Variants in KIF7 observed in about 807,000 individuals in gnomAD.
KIF7 encodes kinesin family member 7, also known as kinesin-like protein KIF7.
In KIF7, 104 loss-of-function variants were observed where a neutral mutation model predicts 135.7. The ratio of observed to expected loss-of-function variants is 0.77; its 90% CI spans 0.65 to 0.90. KIF7 has a LOEUF of 0.90. Ranked by LOEUF, KIF7 falls within the 40% of genes least tolerant of loss-of-function variation. The probability of loss-of-function intolerance (pLI) is 0.00; values close to 1 mark genes in which losing one functional copy is unlikely to be tolerated. For missense variants in KIF7, 2,005 were observed against 1,839.1 expected, an observed-to-expected ratio of 1.09 and a Z score of -1.65; for synonymous variants, 883 against 809.4, an observed-to-expected ratio of 1.09 and a Z score of -1.54.
chr15:89,619,604 T>C, intron 1 of KIF7: 1 of 1,235,776 alleles, frequency 8.1e-7, no homozygotes, highest in Non-Finnish European at 1.1e-6. Context: ...TGAATTTCCA[T>C]CTTATATGTG....
At chr15:89,621,899 T>C (rs1046664736) in intron 1 of KIF7, among the ~76,000 whole-genome samples, 1 of 151,640 alleles carries the variant, frequency 6.6e-6, no homozygotes, top group Admixed American at 6.6e-5. Context: ...TCACCAACAT[T>C]AGAAACCTGG....
chr15:89,643,025 AG>A (rs1474002326), intron 10 of KIF7, among the ~76,000 whole-genome samples: 1 of 152,220 alleles, frequency 6.6e-6, no homozygotes, highest in African/African-American at 2.4e-5. Flanking sequence ...GGAAATCTGG[AG>A]GACAAAAGAA....
chr15:89,643,499 T>C (rs1278614848), intron 10 of KIF7, among the ~76,000 whole-genome samples: 4 of 152,196 alleles, frequency 2.6e-5, no homozygotes, highest in African/African-American at 7.2e-5. Context: ...GACTGTATGA[T>C]GTGTGTGTGG....
Position 89,649,009 on chromosome 15 carries a change from GC to G in KIF7, c.887del (p.Gly296AlafsTer26). ...ISALGDPQRR[G>X]SHIPYRDSKI... ...TGGAGTCGCGGTAGGGTATGTGGCT[GC>G]CCCGGCGCTGAGGGTCCCCCAGGGC... On this transcript the variant is annotated frameshift_variant, in exon 4 of 19. Transcript: ENST00000394412. LOFTEE classifies it high-confidence loss of function. The G allele has an allele frequency of 1.3e-6, 2 of 1,547,152 alleles. No individual in the cohort carries two copies.
chr15:89,642,641 C>G (rs950681604), intron 10 of KIF7, among the ~76,000 whole-genome samples: 2 of 152,240 alleles, frequency 1.3e-5, no homozygotes, highest in Non-Finnish European at 2.9e-5. Flanking sequence ...GCAATCTTGG[C>G]TCAGTGCAAC....
At chr15:89,636,576 CAAAG>C (rs1240282827) in intron 11 of KIF7, among the ~76,000 whole-genome samples, 1 of 88,826 alleles carries the variant, frequency 1.1e-5, no homozygotes, top group East Asian at 2.4e-4. Context: ...TCAAAAGAGA[CAAAG>C]AAGGCCATTA....
At chr15:89,632,442 G>A (rs534694965) in intron 14 of KIF7, among the ~76,000 whole-genome samples, 1 of 152,324 alleles carries the variant, frequency 6.6e-6, no homozygotes, top group East Asian at 1.9e-4. Context: ...CACAGGCCCT[G>A]AGGAGGGGGT....
At position 89,630,125 on chromosome 15, in the gene KIF7, G is replaced by A. The variant is rs558534554; in HGVS notation, c.3318+162C>T. On this transcript the variant is annotated intron_variant, in intron 16 of 18. Transcript: ENST00000394412. Reference sequence around the variant, plus strand: ...AGGAAACTGGGTCTTAGTTTCACAAGTAAAATAGGCTTTAAGGTCAGGCGG... The same window carrying A: ...AGGAAACTGGGTCTTAGTTTCACAAATAAAATAGGCTTTAAGGTCAGGCGG... The A allele has an allele frequency of 1.0e-5, 7 of 684,458 alleles. No homozygotes were observed. The East Asian group carries it at 1.1e-4, about 11-fold the overall frequency. 42.4% of individuals were successfully genotyped at this position (684,458 alleles called of 1,614,324 possible). A position where few individuals can be genotyped will look rare whatever the true frequency, so the allele number is the denominator to read the frequency against.
At position 89,652,709 on chromosome 15, in the gene KIF7, G is replaced by A. The variant is rs527453026; in HGVS notation, c.222C>T (p.Cys74=). 7.1e-5 allele frequency: 110 copies of A among 1,551,790 alleles called. No homozygotes were observed. Among genetic ancestry groups the A allele is most frequent in the East Asian group, 1.5e-4 (6 of 40,926 alleles). ...AGAAGGCCTCAAGGAGGGGCTGAAC[G>A]CAGGCCTGGTACACGGCCTCCTGCC... ...DAGQEAVYQA[C]VQPLLEAFFE... The change falls in exon 2 of 19, where the codon TGC becomes TGT. Residue 74 remains cysteine (C), a synonymous_variant. Transcript: ENST00000394412.
chr15:89,633,696 T>C lies in KIF7; in HGVS notation c.2582A>G (p.His861Arg), dbSNP rs1043221006. ...RLEAEMSKRQ[H>R]RVKELELKHE... ...TGCCGTGAGCCTGACCTTGACGCGG[T>C]GCTGCCGCTTGCTCATTTCTGCCTC... The change falls in exon 12 of 19, where the codon CAC (histidine) becomes CGC (arginine). Residue 861 changes from histidine (H) to arginine (R), a missense_variant. Physicochemically the swap from His to Arg is conservative, Grantham distance 29. Transcript: ENST00000394412. 23 of 1,607,098 alleles carry C rather than the reference T, an allele frequency of 1.4e-5. No individual in the cohort carries two copies. Among genetic ancestry groups the C allele is most frequent in the Non-Finnish European group, 1.9e-5 (22 of 1,179,820 alleles).
chr15:89,631,965 G>C (rs889176353), intron 14 of KIF7, among the ~76,000 whole-genome samples: 16 of 152,308 alleles, frequency 1.1e-4, no homozygotes, highest in Non-Finnish European at 1.8e-4. Context: ...TGGCCCTCCT[G>C]GCAAGAACAG....
chr15:89,652,708 C>T lies in KIF7; in HGVS notation c.223G>A (p.Val75Ile), dbSNP rs1227247256. The change falls in exon 2 of 19, where the codon GTT becomes ATT. Residue 75 changes from valine to isoleucine, a missense_variant. Val to Ile is a conservative substitution (Grantham distance 29). Transcript: ENST00000394412. Reference protein sequence around the residue: ...AGQEAVYQACVQPLLEAFFEG... With the variant: ...AGQEAVYQACIQPLLEAFFEG... ...AAGAAGGCCTCAAGGAGGGGCTGAA[C>T]GCAGGCCTGGTACACGGCCTCCTGC... The T allele has an allele frequency of 9.7e-6, 15 of 1,551,690 alleles. No homozygotes were observed. In the African/African-American group the frequency reaches 1.8e-4, roughly 18 times the overall value.
intron 15 of KIF7, 186 bp from the exon 16 acceptor site, chr15:89,630,679 C>G: frequency 1.5e-6 from 1 of 652,606 alleles, no homozygotes; most frequent in Non-Finnish European, 2.8e-6. Context: ...CCAGGGTGAG[C>G]TGGGGGCACT....
chr15:89,630,148 C>A (rs1015598849), intron 16 of KIF7, 139 bp downstream of exon 16: 1 of 758,876 alleles, frequency 1.3e-6, no homozygotes, highest in East Asian at 2.7e-5. Context: ...TAAGGTCAGG[C>A]GGCCCTGCAG....
chr15:89,627,046 C>A, downstream of KIF7: 8 of 1,614,192 alleles, frequency 5.0e-6, no homozygotes, highest in Non-Finnish European at 6.8e-6. Context: ...AGAACTTATA[C>A]ACGGAAGAAG....
At chr15:89,624,011 C>G (rs1455471028), downstream of KIF7, 42 of 1,613,894 alleles carry the variant, frequency 2.6e-5, no homozygotes, top group Non-Finnish European at 3.6e-5. Flanking sequence ...TCATCGACTG[C>G]CCAGCCCAGG....
In KIF7 at chr15:89,645,125, G is replaced by A. The variant is rs113112856; in HGVS notation, c.2079C>T (p.Val693=). 1.1e-5 allele frequency: 17 copies of A among 1,605,120 alleles called. No homozygotes were observed. Among genetic ancestry groups the A allele is most frequent in the Middle Eastern group, 3.3e-4 (2 of 6,062 alleles). ...GCCACTCTGAGGCTGTGGCAGGGGG[G>A]ACCTGGCGGGCCTGAACTCGGGCCT... ...GSKARVQARQ[V]PPATASEWRL... is the part of the protein sequence containing the mutation. The change falls in exon 10 of 19, where the codon GTC becomes GTT. Residue 693 remains valine (V), a synonymous_variant. Coordinates refer to ENST00000394412, the MANE Select transcript of KIF7 (RefSeq NM_198525.3).
At chr15:89,627,240 C>G (rs1963548872), downstream of KIF7, 1 of 869,146 alleles carries the variant, frequency 1.2e-6, no homozygotes, top group Non-Finnish European at 1.7e-6. Flanking sequence ...CCTTATGGAT[C>G]CAATCCATCT....
chr15:89,657,499 T>A (rs1295759768), upstream of KIF7, among the ~76,000 whole-genome samples: 1 of 152,194 alleles, frequency 6.6e-6, no homozygotes, highest in East Asian at 1.9e-4. Flanking sequence ...CTGGTGGATG[T>A]GCAGTGTTTT....
Sources: gnomAD v4.1 joint callset for allele counts (sites outside exome capture counted in the v4.1 genomes callset) on GRCh38, gnomAD v4.1.1 for gene constraint, MANE v1.5 for transcripts, NCBI Gene and HGNC (gene_info 2026-07-23, HGNC 2026-07-21) for gene names.